The following MYH15 variants were observed in gnomAD, a reference collection of about 807,000 sequenced individuals.
MYH15 encodes the protein myosin-15.
In MYH15, 227 loss-of-function variants were observed where a neutral mutation model predicts 240.5. The observed-to-expected ratio is 0.94, with a 90% CI of 0.85 to 1.05. MYH15 has a LOEUF of 1.05. Ranked by LOEUF, MYH15 falls within the 50% of genes least tolerant of loss-of-function variation. MYH15 has a pLI of 0.00. For synonymous variants in MYH15, 785 were observed against 796.7 expected (o/e 0.99, Z 0.25); for missense variants, 2,217 against 2,247.5 (o/e 0.99, Z 0.27).
intron 11 of MYH15, among the ~76,000 whole-genome samples, chr3:108,477,507 GA>G (rs1482788174): frequency 6.6e-6 from 1 of 152,176 alleles, no homozygotes; most frequent in East Asian, 1.9e-4. Flanking sequence ...TCAAGAAACA[GA>G]ATCTTTTAAA....
chr3:108,530,662 CA>C (rs2083705390), upstream of MYH15, among the ~76,000 whole-genome samples: 1 of 152,102 alleles, frequency 6.6e-6, no homozygotes, highest in Non-Finnish European at 1.5e-5. Context: ...TGAGGCTATG[CA>C]TGTGTAGGGA....
chr3:108,542,881 CTTTTT>C, the MYH15 span, among the ~76,000 whole-genome samples: 4 of 133,206 alleles, frequency 3.0e-5, no homozygotes, highest in Non-Finnish European at 6.3e-5. Flanking sequence ...GATCTCGTTC[CTTTTT>C]TTTTTTTTTT....
chr3:108,406,717 T>A (rs1339255972), intron 32 of MYH15, among the ~76,000 whole-genome samples: 1 of 152,224 alleles, frequency 6.6e-6, no homozygotes, highest in East Asian at 1.9e-4. Flanking sequence ...GAAGTATTTA[T>A]GGATGTGGCT....
intron 38 of MYH15, among the ~76,000 whole-genome samples, chr3:108,388,364 A>T (rs1213054050): frequency 2.6e-5 from 4 of 152,240 alleles, no homozygotes; most frequent in African/African-American, 9.6e-5. Context: ...TTTACTTTAG[A>T]AATGCATTAG....
intron 1 of MYH15, among the ~76,000 whole-genome samples, chr3:108,527,991 T>C (rs1356863581): frequency 1.3e-5 from 2 of 152,302 alleles, no homozygotes; most frequent in African/African-American, 2.4e-5. Context: ...TATCCCTTGG[T>C]AGGGGACTGA....
chr3:108,482,350 CAGCCCTAG>C (rs1321356873), intron 11 of MYH15, among the ~76,000 whole-genome samples: 1 of 152,124 alleles, frequency 6.6e-6, no homozygotes, highest in Non-Finnish European at 1.5e-5. Flanking sequence ...GAGCCCTGAG[CAGCCCTAG>C]AGCAATTAGC....
Position 108,398,371 on chromosome 3 carries a change from C to A in MYH15, c.5133+266G>T, listed in dbSNP as rs1167803037. ...TTCAGAGGGAGCATGGCCCAGCTGA[C>A]ACTTTGATTGCAGGCTTCCAACCTC... On this transcript the variant is annotated intron_variant, in intron 35 of 40. Coordinates refer to ENST00000693548, the MANE Select transcript of MYH15 (RefSeq NM_014981.3). 5.3e-5 allele frequency among the ~76,000 whole-genome samples: 8 copies of A among 152,340 alleles called. No individual in the cohort carries two copies. In the East Asian group the frequency reaches 1.2e-3, roughly 22 times the overall value.
At chr3:108,477,770 C>G (rs938802270) in intron 11 of MYH15, among the ~76,000 whole-genome samples, 5 of 152,046 alleles carry the variant, frequency 3.3e-5, no homozygotes, top group African/African-American at 1.2e-4. Context: ...ATACTTACAC[C>G]CCACAAAATT....
At position 108,476,457 on chromosome 3, in the gene MYH15, C is replaced by T; in HGVS notation, c.1173G>A (p.Leu391=). The change falls in exon 12 of 41, where the codon TTG becomes TTA. Residue 391 remains leucine, a synonymous_variant. Coordinates refer to ENST00000693548, the MANE Select transcript of MYH15 (RefSeq NM_014981.3). ...TACCAACTTTGATTCTAGGATGGAT[C>T]AAGCACTTTACCAACTCAGAGGAGT... ...GINSSELVKC[L]IHPRIKVGNE... is the part of the protein sequence containing the mutation. 1 of 1,613,422 alleles carries T rather than the reference C, an allele frequency of 6.2e-7. No individual in the cohort carries two copies.
chr3:108,516,907 A>T (rs1328543055), intron 1 of MYH15, among the ~76,000 whole-genome samples: 1 of 152,044 alleles, frequency 6.6e-6, no homozygotes, highest in Non-Finnish European at 1.5e-5. Context: ...TGGAGTTTAC[A>T]CTCCTAGATT....
chr3:108,390,536 A>G (rs1002102913), intron 37 of MYH15, among the ~76,000 whole-genome samples: 3 of 152,196 alleles, frequency 2.0e-5, no homozygotes, highest in African/African-American at 7.2e-5. Flanking sequence ...TGGTTCTTAT[A>G]TATGTCATTG....
At chr3:108,516,370 C>T (rs1237026120) in intron 1 of MYH15, among the ~76,000 whole-genome samples, 1 of 152,068 alleles carries the variant, frequency 6.6e-6, no homozygotes, top group Non-Finnish European at 1.5e-5. Flanking sequence ...GGAGACAATG[C>T]CTGAAAATGA....
Position 108,408,359 on chromosome 3 carries a change from T to C in MYH15, c.4541A>G (p.Asn1514Ser). Residue 1514 changes from asparagine to serine, a missense_variant, in exon 32 of 41, where the codon AAC (asparagine) becomes AGC (serine). By Grantham distance (46) the Asn-to-Ser change is conservative (BLOSUM62 1). Coordinates refer to ENST00000693548, the MANE Select transcript of MYH15 (RefSeq NM_014981.3). ...LTNQVREGTK[N>S]LTEMEKVKKL... ...CTTGACCTTTTCCATTTCAGTTAAG[T>C]TCTTGGTCCCTTCTCTAACCTGGTT... The C allele has an allele frequency of 1.9e-6, 3 of 1,613,630 alleles. No individual in the cohort carries two copies. In the South Asian group the frequency reaches 3.3e-5, roughly 18 times the overall value.
At chr3:108,515,525 C>G (rs528510127), upstream of MYH15, among the ~76,000 whole-genome samples, 10 of 152,284 alleles carry the variant, frequency 6.6e-5, no homozygotes, top group African/African-American at 2.2e-4. Context: ...TAATTTCTTT[C>G]CCAACTTTAA....
intron 1 of MYH15, among the ~76,000 whole-genome samples, chr3:108,510,070 A>G (rs2083510148): frequency 6.6e-6 from 1 of 152,100 alleles, no homozygotes; most frequent in Admixed American, 6.5e-5. Flanking sequence ...CCACCAGTCT[A>G]AGTCACAGGC....
chr3:108,528,365 T>G (rs879925025), intron 1 of MYH15, among the ~76,000 whole-genome samples: 1 of 152,198 alleles, frequency 6.6e-6, no homozygotes, highest in Non-Finnish European at 1.5e-5. Flanking sequence ...ATTGGAAGAC[T>G]AATAGGCAGC....
At chr3:108,422,810 T>G (rs2082693691) in intron 27 of MYH15, among the ~76,000 whole-genome samples, 1 of 152,208 alleles carries the variant, frequency 6.6e-6, no homozygotes, top group African/African-American at 2.4e-5. Flanking sequence ...AACCTAATTG[T>G]TATGATAGAG....
At chr3:108,459,054 T>C (rs539534321) in intron 18 of MYH15, among the ~76,000 whole-genome samples, 2 of 152,300 alleles carry the variant, frequency 1.3e-5, no homozygotes, top group African/African-American at 4.8e-5. Context: ...TTATAGTTTG[T>C]CCTTGTAGAC....
At chr3:108,492,649 A>G in intron 8 of MYH15, 54 bp from the exon 9 acceptor site, 3 of 1,367,386 alleles carry the variant, frequency 2.2e-6, no homozygotes, top group Non-Finnish European at 1.0e-6. Flanking sequence ...TGCAAAATGT[A>G]GAAGAAAAGT....
Sources: allele counts gnomAD v4.1 joint callset (sites outside exome capture counted in the v4.1 genomes callset), GRCh38; gene constraint gnomAD v4.1.1; transcripts MANE v1.5; gene names NCBI Gene and HGNC (gene_info 2026-07-23, HGNC 2026-07-21).